FRAS1: variants seen among roughly 807,000 people sequenced by gnomAD.
FRAS1 encodes the protein Fraser extracellular matrix complex subunit 1, also known as extracellular matrix organizing protein FRAS1.
Under a neutral mutation model 435.2 loss-of-function variants are expected in FRAS1, and 290 were observed. That is an observed-to-expected ratio of 0.67 (90% CI 0.61 to 0.73). The LOEUF (loss-of-function observed/expected upper bound fraction) is 0.73. Ranked by LOEUF, FRAS1 falls within the 30% of genes least tolerant of loss-of-function variation. The probability of loss-of-function intolerance (pLI) is 0.00; values close to 1 mark genes in which losing one functional copy is unlikely to be tolerated. For missense variants in FRAS1, 4,860 were observed against 5,001.5 expected (o/e 0.97, Z 0.85); for synonymous variants, 1,800 against 1,851.0 (o/e 0.97, Z 0.71).
intron 47 of FRAS1, among the ~76,000 whole-genome samples, chr4:78,454,722 C>A (rs923640636): frequency 1.3e-5 from 2 of 152,192 alleles, no homozygotes; most frequent in Non-Finnish European, 2.9e-5. Flanking sequence ...AAGGCACTGC[C>A]ATTGCCTCCC....
chr4:78,099,617 A>C (rs554837979), intron 2 of FRAS1, among the ~76,000 whole-genome samples: 1 of 152,294 alleles, frequency 6.6e-6, no homozygotes, highest in Admixed American at 6.5e-5. Context: ...TCTTACTCAT[A>C]ATCCTGTGAG....
intron 29 of FRAS1, among the ~76,000 whole-genome samples, chr4:78,393,160 C>A (rs1010001731): frequency 1.3e-5 from 2 of 151,806 alleles, no homozygotes; most frequent in African/African-American, 4.8e-5. Flanking sequence ...ATTTTCCTAA[C>A]CTCATAAAGT....
At chr4:78,324,070 A>G (rs1320537436) in intron 18 of FRAS1, among the ~76,000 whole-genome samples, 1 of 152,214 alleles carries the variant, frequency 6.6e-6, no homozygotes, top group East Asian at 1.9e-4. Flanking sequence ...AAGAAGCAGC[A>G]TATCACTTCA....
chr4:78,062,840 C>T (rs1044316680), intron 1 of FRAS1, among the ~76,000 whole-genome samples: 1 of 152,130 alleles, frequency 6.6e-6, no homozygotes, highest in Non-Finnish European at 1.5e-5. Flanking sequence ...ATTACTTCAC[C>T]CTGCAAAACT....
At chr4:78,388,331 C>CAAAAAAAAAAA (rs71661163) in intron 29 of FRAS1, among the ~76,000 whole-genome samples, 1 of 93,246 alleles carries the variant, frequency 1.1e-5, no homozygotes, top group Non-Finnish European at 2.5e-5. Context: ...TCTCAAAAAC[C>CAAAAAAAAAAA]AAAAAAAAAA....
chr4:78,315,161 T>C (rs1729185984), intron 15 of FRAS1, among the ~76,000 whole-genome samples: 1 of 152,242 alleles, frequency 6.6e-6, no homozygotes, highest in Non-Finnish European at 1.5e-5. Context: ...CTTGACTTTC[T>C]GAATTCTCTC....
intron 6 of FRAS1, among the ~76,000 whole-genome samples, chr4:78,258,499 G>A (rs1171151568): frequency 6.6e-6 from 1 of 151,538 alleles, no homozygotes; most frequent in Non-Finnish European, 1.5e-5. Flanking sequence ...CTGACCCTAT[G>A]GACTCCTTTC....
chr4:78,533,069 A>G (rs924378636), intron 70 of FRAS1, among the ~76,000 whole-genome samples: 16 of 152,250 alleles, frequency 1.1e-4, no homozygotes, highest in Admixed American at 7.2e-4. Flanking sequence ...ACTGTTTTAC[A>G]TAATGGCTGC....
intron 3 of FRAS1, 122 bp from the exon 4 acceptor site, chr4:78,245,111 G>T: frequency 1.4e-6 from 1 of 726,152 alleles, no homozygotes; most frequent in Non-Finnish European, 2.5e-6. Flanking sequence ...TATCCCATCT[G>T]TTGTTGTCAC....
At chr4:78,449,565 C>G (rs1472755935) in intron 44 of FRAS1, among the ~76,000 whole-genome samples, 17 of 152,076 alleles carry the variant, frequency 1.1e-4, no homozygotes. Context: ...AGTGACAAGA[C>G]CCTGAGAAGA....
chr4:78,181,762 C>A, intron 2 of FRAS1: 1 of 1,610,306 alleles, frequency 6.2e-7, no homozygotes, highest in South Asian at 1.1e-5. Flanking sequence ...CGGGCGGCTG[C>A]GTCTCCTCTT....
intron 2 of FRAS1, among the ~76,000 whole-genome samples, chr4:78,227,221 G>C (rs1724313240): frequency 6.6e-6 from 1 of 152,056 alleles, no homozygotes; most frequent in Non-Finnish European, 1.5e-5. Flanking sequence ...ATAGAGTTAG[G>C]ATATATAATC....
At chr4:78,375,211 C>CAAT (rs1008377205) in intron 25 of FRAS1, among the ~76,000 whole-genome samples, 2 of 152,272 alleles carry the variant, frequency 1.3e-5, no homozygotes, top group Admixed American at 1.3e-4. Context: ...CTACTAAAAA[C>CAAT]AATAATAATA....
At chr4:78,498,420 C>T (rs1720571888) in intron 60 of FRAS1, among the ~76,000 whole-genome samples, 3 of 151,826 alleles carry the variant, frequency 2.0e-5, no homozygotes, top group Non-Finnish European at 4.4e-5. Context: ...GTAGGAGAAT[C>T]GCTCAAACCC....
At chr4:78,130,753 A>G (rs986823260) in intron 2 of FRAS1, among the ~76,000 whole-genome samples, 22 of 152,220 alleles carry the variant, frequency 1.4e-4, no homozygotes, top group Admixed American at 4.6e-4. Context: ...GAAAAGGGTA[A>G]AGTCATGGAA....
At chr4:78,126,765 A>C (rs1719380189) in intron 2 of FRAS1, among the ~76,000 whole-genome samples, 1 of 152,228 alleles carries the variant, frequency 6.6e-6, no homozygotes, top group African/African-American at 2.4e-5. Context: ...ATCATGTAAT[A>C]AGTGAGAGGA....
Position 78,447,425 on chromosome 4 carries a change from C to T in FRAS1, c.6010+545C>T, listed in dbSNP as rs556018234. On this transcript the variant is annotated intron_variant, in intron 43 of 73. Transcript: ENST00000512123. The stretch of plus-strand genomic sequence containing the variant: ...GTTCTGGAATGCAAGTGGTGTGTCT[C>T]AATTCATCGTAATGCTCATTGGTCT... Among the ~76,000 whole-genome samples the T allele has an allele frequency of 2.9e-3, 442 of 151,566 alleles. 2 individuals carry two copies. The highest frequency in any genetic ancestry group is 0.01 in the African/African-American group (419 of 41,272).
At chr4:78,116,718 G>T (rs1234823273) in intron 2 of FRAS1, among the ~76,000 whole-genome samples, 1 of 152,132 alleles carries the variant, frequency 6.6e-6, no homozygotes, top group African/African-American at 2.4e-5. Context: ...TTGAGCCTAT[G>T]TGTGTCTCTG....
In FRAS1 at chr4:78,508,991, C is replaced by A. The variant is rs1255468603; in HGVS notation, c.9765C>A (p.Thr3255=). ...FETITDNTPF[T]SVNHMVLDSI... ...CCATCACTGACAACACACCATTCAC[C>A]AGTGTCAACCACATGGTAGGTCTGG... The change falls in exon 63 of 74, where the codon ACC becomes ACA. Residue 3255 remains threonine (T), a synonymous_variant. Transcript: ENST00000512123. The A allele has an allele frequency of 6.2e-7, 1 of 1,614,012 alleles. No homozygotes were observed. Among genetic ancestry groups the A allele is most frequent in the South Asian group, 1.1e-5 (1 of 91,080 alleles).
Sources: allele counts gnomAD v4.1 joint callset (sites outside exome capture counted in the v4.1 genomes callset), GRCh38; gene constraint gnomAD v4.1.1; transcripts MANE v1.5; gene names NCBI Gene and HGNC (gene_info 2026-07-23, HGNC 2026-07-21).